SLC39A10: variants seen among roughly 807,000 people sequenced by gnomAD.
SLC39A10 encodes the protein zinc transporter ZIP10.
A neutral mutation model predicts 65.1 loss-of-function variants in SLC39A10; 13 were observed. The observed-to-expected ratio is 0.20, with a 90% CI of 0.13 to 0.32. SLC39A10 has a LOEUF of 0.32. Among genes scored for constraint, SLC39A10 ranks in the 10% least tolerant of loss-of-function variants. The probability of loss-of-function intolerance (pLI) is 1.00; values close to 1 mark genes in which losing one functional copy is unlikely to be tolerated. For synonymous variants in SLC39A10, 321 were observed against 342.2 expected (o/e 0.94, Z 0.68); for missense variants, 831 against 1,018.4 (o/e 0.82, Z 2.50).
intron 2 of SLC39A10, among the ~76,000 whole-genome samples, chr2:195,651,262 A>G (rs1689024834): frequency 6.6e-6 from 1 of 152,112 alleles, no homozygotes; most frequent in African/African-American, 2.4e-5. Flanking sequence ...CAACTTCCCC[A>G]TTCTGACAGT....
At chr2:195,665,036 G>T (rs544735149) in intron 1 of SLC39A10, among the ~76,000 whole-genome samples, 1 of 152,204 alleles carries the variant, frequency 6.6e-6, no homozygotes, top group East Asian at 1.9e-4. Flanking sequence ...ATTTAGCCCA[G>T]TGTGAGGTCG....
intron 2 of SLC39A10, among the ~76,000 whole-genome samples, chr2:195,633,449 A>C (rs2105699022): frequency 6.6e-6 from 1 of 152,282 alleles, no homozygotes; most frequent in South Asian, 2.1e-4. Flanking sequence ...AGGCTCTTTT[A>C]GTTTTTGCCA....
chr2:195,664,647 T>G lies in SLC39A10; in HGVS notation c.-12+7366T>G, dbSNP rs549120498. ...TTAAAAATATGAATTAAAAATAAAG[T>G]AAGACCTTTTATTTATTTAAAAATT... On this transcript the variant is annotated intron_variant, in intron 1 of 9. Coordinates refer to ENST00000359634, the MANE Select transcript of SLC39A10 (RefSeq NM_020342.3). 2.0e-5 allele frequency among the ~76,000 whole-genome samples: 3 copies of G among 152,168 alleles called. No individual in the cohort carries two copies. In the South Asian group the frequency reaches 6.2e-4, roughly 32 times the overall value.
intron 1 of SLC39A10, among the ~76,000 whole-genome samples, chr2:195,676,472 C>T (rs1444317464): frequency 6.6e-6 from 1 of 152,034 alleles, no homozygotes; most frequent in East Asian, 1.9e-4. Context: ...AAATATTTCC[C>T]TATCCCAAAG....
intron 7 of SLC39A10, among the ~76,000 whole-genome samples, chr2:195,717,762 G>T (rs1691873597): frequency 6.6e-6 from 1 of 152,136 alleles, no homozygotes; most frequent in African/African-American, 2.4e-5. Context: ...TCTGCTAGTA[G>T]ACCTAGATGC....
chr2:195,716,251 A>AT (rs1302642895), intron 6 of SLC39A10, among the ~76,000 whole-genome samples: 1 of 152,070 alleles, frequency 6.6e-6, no homozygotes, highest in Non-Finnish European at 1.5e-5. Flanking sequence ...AGAGGGAGTA[A>AT]TTTTTTTTAA....
At chr2:195,667,231 G>A (rs1022167840) in intron 1 of SLC39A10, among the ~76,000 whole-genome samples, 2 of 150,734 alleles carry the variant, frequency 1.3e-5, no homozygotes, top group East Asian at 1.9e-4. Context: ...TATTGGAAGA[G>A]TTGCAGTGGC....
At chr2:195,676,145 CA>C (rs1281453063) in intron 1 of SLC39A10, among the ~76,000 whole-genome samples, 2 of 152,048 alleles carry the variant, frequency 1.3e-5, no homozygotes, top group East Asian at 3.9e-4. Flanking sequence ...ATACACATTG[CA>C]AATATCTTCT....
chr2:195,664,216 A>G (rs1235040344), intron 1 of SLC39A10, among the ~76,000 whole-genome samples: 3 of 152,148 alleles, frequency 2.0e-5, no homozygotes, highest in African/African-American at 7.2e-5. Flanking sequence ...ATTTTTGCGT[A>G]AACACAAGTA....
intron 3 of SLC39A10, among the ~76,000 whole-genome samples, chr2:195,703,318 T>C (rs1574291117): frequency 1.3e-5 from 2 of 152,332 alleles, no homozygotes; most frequent in African/African-American, 4.8e-5. Context: ...TTTGAAAATA[T>C]TTTTATAATT....
intron 3 of SLC39A10, among the ~76,000 whole-genome samples, chr2:195,706,220 T>G (rs967708212): frequency 1.3e-5 from 2 of 152,068 alleles, no homozygotes; most frequent in African/African-American, 4.8e-5. Context: ...GATACTTGGC[T>G]TTTTTAATGT....
chr2:195,656,584 T>C (rs1689149446), upstream of SLC39A10, among the ~76,000 whole-genome samples: 1 of 152,118 alleles, frequency 6.6e-6, no homozygotes, highest in Non-Finnish European at 1.5e-5. Flanking sequence ...GCAGTAAGTG[T>C]GCTTTAGAAT....
At chr2:195,677,137 T>C (rs1690121657) in intron 1 of SLC39A10, among the ~76,000 whole-genome samples, 1 of 152,238 alleles carries the variant, frequency 6.6e-6, no homozygotes, top group Non-Finnish European at 1.5e-5. Flanking sequence ...ATAAGTGCCA[T>C]GAATTATCAC....
In SLC39A10 at chr2:195,736,678, C is replaced by CTTTAA. The variant is rs1474693237; in HGVS notation, c.*1642_*1646dup. 2.0e-5 allele frequency: 3 copies of CTTTAA among 151,626 alleles called. No individual in the cohort carries two copies. Among genetic ancestry groups the CTTTAA allele is most frequent in the East Asian group, 1.9e-4 (1 of 5,200 alleles). 9.4% of individuals were successfully genotyped at this position (151,626 alleles called of 1,614,324 possible). ...AAGCAAGGGAGCTTAGGTGTTATTT[C>CTTTAA]TTTAATTTATGCTTGAATCTGAAAA... On this transcript the variant is annotated 3_prime_UTR_variant, in exon 10 of 10. Transcript: ENST00000359634.
At chr2:195,665,972 C>T (rs1209005347) in intron 1 of SLC39A10, among the ~76,000 whole-genome samples, 1 of 152,126 alleles carries the variant, frequency 6.6e-6, no homozygotes, top group African/African-American at 2.4e-5. Context: ...TTATTTTATA[C>T]AATGTGCCAT....
upstream of SLC39A10, among the ~76,000 whole-genome samples, chr2:195,652,403 G>C (rs1203675314): frequency 6.6e-6 from 1 of 151,988 alleles, no homozygotes; most frequent in Non-Finnish European, 1.5e-5. Context: ...ACAAAAACTA[G>C]CTGGGCGTGG....
rs1382543222 is a variant in SLC39A10, at chr2:195,680,688, G to A, written c.646G>A (p.Glu216Lys). 3 of 1,613,936 alleles carry A rather than the reference G, an allele frequency of 1.9e-6. No homozygotes were observed. The highest frequency in any genetic ancestry group is 2.5e-6 in the Non-Finnish European group (3 of 1,179,990). Residue 216 changes from glutamate to lysine, a missense_variant, in exon 2 of 10, where the codon GAG becomes AAG. Glu to Lys is a moderately conservative substitution (Grantham distance 56). This residue lies in a region of SLC39A10 where 446 missense variants were observed against 499.2 expected (regional missense o/e 0.89). Coordinates refer to ENST00000359634, the MANE Select transcript of SLC39A10 (RefSeq NM_020342.3). Reference sequence around the variant, plus strand: ...GGAGCCTAGCAATGAACCTTCAACAGAGACCAATAAAACCCAGGAACAATC... The same window carrying A: ...GGAGCCTAGCAATGAACCTTCAACAAAGACCAATAAAACCCAGGAACAATC... ...RGEPSNEPST[E>K]TNKTQEQSDV...
chr2:195,729,462 G>A (rs1296924642), intron 9 of SLC39A10, among the ~76,000 whole-genome samples: 1 of 152,078 alleles, frequency 6.6e-6, no homozygotes. Context: ...ATTTCATGGG[G>A]AACACCGAAG....
intron 9 of SLC39A10, among the ~76,000 whole-genome samples, chr2:195,731,228 C>T (rs1026254093): frequency 1.1e-4 from 17 of 152,172 alleles, no homozygotes; most frequent in Admixed American, 1.0e-3. Context: ...CCTATCCTTA[C>T]TTCAAATCCT....
Sources: gnomAD v4.1 joint callset for allele counts (sites outside exome capture counted in the v4.1 genomes callset) on GRCh38, gnomAD v4.1.1 for gene constraint, gnomAD v4.1.1 regional missense constraint, MANE v1.5 for transcripts, NCBI Gene and HGNC (gene_info 2026-07-23, HGNC 2026-07-21) for gene names.